The following FBXL17 variants were observed in gnomAD, a reference collection of about 807,000 sequenced individuals.
FBXL17 encodes F-box/LRR-repeat protein 17.
A neutral mutation model predicts 66.2 loss-of-function variants in FBXL17; 22 were observed. The ratio of observed to expected loss-of-function variants is 0.33; its 90% confidence interval spans 0.24 to 0.47. FBXL17 has a LOEUF of 0.47. Ranked by LOEUF, FBXL17 falls within the 20% of genes least tolerant of loss-of-function variation. FBXL17 has a pLI of 1.00. For missense variants in FBXL17, 878 were observed against 948.2 expected, an observed-to-expected ratio of 0.93 and a Z score of 0.97; for synonymous variants, 474 against 400.5, an observed-to-expected ratio of 1.18 and a Z score of -2.19.
intron 6 of FBXL17, among the ~76,000 whole-genome samples, chr5:108,150,208 C>A (rs978882582): frequency 6.6e-6 from 1 of 152,038 alleles, no homozygotes; most frequent in African/African-American, 2.4e-5. Flanking sequence ...ATTATCATAC[C>A]CAAGAAATTT....
chr5:108,157,463 T>C (rs1453539257), intron 6 of FBXL17, among the ~76,000 whole-genome samples: 2 of 151,810 alleles, frequency 1.3e-5, no homozygotes, highest in South Asian at 2.1e-4. Context: ...AGGGAAAATA[T>C]AGGAAAACTC....
intron 7 of FBXL17, among the ~76,000 whole-genome samples, chr5:108,000,955 T>C (rs1753698023): frequency 6.6e-6 from 1 of 152,240 alleles, no homozygotes; most frequent in African/African-American, 2.4e-5. Flanking sequence ...TAAGTGCTCA[T>C]AGATGATAAA....
At chr5:108,027,639 T>A (rs1250482551) in intron 6 of FBXL17, among the ~76,000 whole-genome samples, 1 of 152,160 alleles carries the variant, frequency 6.6e-6, no homozygotes. Flanking sequence ...ATGGATCAAA[T>A]ATTGTTTATT....
chr5:108,225,393 T>C (rs1468647682), intron 4 of FBXL17, among the ~76,000 whole-genome samples: 4 of 152,194 alleles, frequency 2.6e-5, no homozygotes, highest in Non-Finnish European at 5.9e-5. Flanking sequence ...GGGGCAGCTA[T>C]TTCCAATAGT....
intron 5 of FBXL17, among the ~76,000 whole-genome samples, chr5:108,189,890 C>T (rs1307076275): frequency 1.3e-5 from 2 of 152,084 alleles, no homozygotes; most frequent in African/African-American, 4.8e-5. Context: ...TCTACAACCA[C>T]GAGGAACTGA....
chr5:108,239,576 T>C (rs764063556), intron 4 of FBXL17, among the ~76,000 whole-genome samples: 8 of 152,180 alleles, frequency 5.3e-5, no homozygotes, highest in Non-Finnish European at 1.2e-4. Flanking sequence ...GCAAGCCTCC[T>C]ACTGTGGGCT....
At chr5:108,259,266 C>T (rs1194668790) in intron 4 of FBXL17, among the ~76,000 whole-genome samples, 1 of 152,020 alleles carries the variant, frequency 6.6e-6, no homozygotes, top group Non-Finnish European at 1.5e-5. Context: ...AAATGTCTAT[C>T]GATATGGGAT....
chr5:108,161,836 T>G (rs1190343856), intron 6 of FBXL17, among the ~76,000 whole-genome samples: 2 of 152,302 alleles, frequency 1.3e-5, no homozygotes, highest in East Asian at 3.9e-4. Flanking sequence ...GCAATGATCT[T>G]AGACATATAA....
intron 6 of FBXL17, among the ~76,000 whole-genome samples, chr5:108,062,787 G>A (rs1448932852): frequency 2.0e-5 from 3 of 152,044 alleles, no homozygotes; most frequent in African/African-American, 7.2e-5. Flanking sequence ...AGTATCAGAA[G>A]AAGTAACTGC....
intron 4 of FBXL17, among the ~76,000 whole-genome samples, chr5:108,312,498 CAT>C (rs200293490): frequency 0.015 from 2,338 of 152,024 alleles, 28 homozygotes; most frequent in South Asian, 0.034. Flanking sequence ...AGCAGCCACA[CAT>C]GTTATGACAC....
intron 6 of FBXL17, among the ~76,000 whole-genome samples, chr5:108,160,023 A>AT (rs35710441): frequency 0.23 from 34,757 of 151,956 alleles, 4,494 homozygotes; most frequent in South Asian, 0.43. Context: ...GTCAAAAAAA[A>AT]TTAGAAAAAC....
At chr5:108,135,487 T>G (rs1179163809) in intron 6 of FBXL17, among the ~76,000 whole-genome samples, 4 of 152,118 alleles carry the variant, frequency 2.6e-5, no homozygotes, top group African/African-American at 9.7e-5. Flanking sequence ...TATAATAGAT[T>G]CAGTACTCCA....
intron 6 of FBXL17, among the ~76,000 whole-genome samples, chr5:108,155,043 T>C (rs1035535507): frequency 3.9e-5 from 6 of 152,168 alleles, no homozygotes; most frequent in African/African-American, 1.4e-4. Context: ...CTAATATTCA[T>C]GATAAGCTGA....
At chr5:108,056,644 A>G (rs1747720510) in intron 6 of FBXL17, among the ~76,000 whole-genome samples, 1 of 152,224 alleles carries the variant, frequency 6.6e-6, no homozygotes, top group Admixed American at 6.5e-5. Context: ...CTGTGACTAC[A>G]AATGAAACAA....
At chr5:108,207,831 T>A (rs1032039619) in intron 5 of FBXL17, among the ~76,000 whole-genome samples, 1 of 152,232 alleles carries the variant, frequency 6.6e-6, no homozygotes, top group Non-Finnish European at 1.5e-5. Flanking sequence ...CCTTTGGGTA[T>A]ATACCCAGTA....
At chr5:108,169,794 C>T (rs146362489) in intron 6 of FBXL17, among the ~76,000 whole-genome samples, 1 of 152,150 alleles carries the variant, frequency 6.6e-6, no homozygotes, top group South Asian at 2.1e-4. Flanking sequence ...TTGAGTAGGT[C>T]AATTTTCTTT....
Position 108,186,791 on chromosome 5 carries a change from A to T in FBXL17, c.1615-544T>A, listed in dbSNP as rs555411735. Reference sequence around the variant, plus strand: ...TCAAAAAAAGAAAAAAAAAAAAAAGAAAGTAGATTTTACTTAAGTATCCTA... The same window carrying T: ...TCAAAAAAAGAAAAAAAAAAAAAAGTAAGTAGATTTTACTTAAGTATCCTA... On this transcript the variant is annotated intron_variant, in intron 5 of 8. Transcript: ENST00000542267. 2.0e-5 allele frequency among the ~76,000 whole-genome samples: 3 copies of T among 151,816 alleles called. 1 individual carries two copies. The South Asian group carries it at 6.3e-4, about 32-fold the overall frequency.
intron 7 of FBXL17, among the ~76,000 whole-genome samples, chr5:107,989,671 G>C (rs1753158627): frequency 6.6e-6 from 1 of 152,060 alleles, no homozygotes; most frequent in South Asian, 2.1e-4. Context: ...GGGACTGCTG[G>C]ATCATATGGT....
rs551295592 is a variant in FBXL17 at position 107,948,286 on chromosome 5, ATTC to A, written c.1823-67110_1823-67108del. Among the ~76,000 whole-genome samples the A allele has an allele frequency of 1.1e-4, 17 of 152,224 alleles. No individual in the cohort carries two copies. In the South Asian group the frequency reaches 2.1e-3, roughly 19 times the overall value. ...TTTACCTATCATAACCATGTAATTA[ATTC>A]TTCTTATCTAATTTGTATTTTTAAT... On this transcript the variant is annotated intron_variant, in intron 7 of 8. Transcript: ENST00000542267.
Sources: gnomAD v4.1 joint callset for allele counts (sites outside exome capture counted in the v4.1 genomes callset) on GRCh38, gnomAD v4.1.1 for gene constraint, MANE v1.5 for transcripts, NCBI Gene and HGNC (gene_info 2026-07-23, HGNC 2026-07-21) for gene names.